ALPK2: variants seen among roughly 807,000 people sequenced by gnomAD.
ALPK2 encodes the protein alpha kinase 2.
ALPK2 carries 127 observed loss-of-function variants against 163.1 expected under a neutral mutation model. That is an observed-to-expected ratio of 0.78 (90% CI 0.67 to 0.90). ALPK2 has a LOEUF of 0.90. Ranked by LOEUF, ALPK2 falls within the 40% of genes least tolerant of loss-of-function variation. ALPK2 has a pLI of 0.00. For synonymous variants in ALPK2, 953 were observed against 959.1 expected (o/e 0.99, Z 0.12); for missense variants, 2,360 against 2,589.6 (o/e 0.91, Z 1.92).
intron 3 of ALPK2, among the ~76,000 whole-genome samples, chr18:58,602,581 CTG>C (rs1294582088): frequency 2.6e-5 from 4 of 152,162 alleles, no homozygotes; most frequent in Non-Finnish European, 5.9e-5. Context: ...GTGTGTGTCT[CTG>C]TGGCTCTGTT....
intron 10 of ALPK2, 30 bp downstream of exon 10, chr18:58,514,963 T>G (rs778080226): frequency 9.5e-6 from 15 of 1,571,494 alleles, no homozygotes; most frequent in Non-Finnish European, 1.3e-5. Flanking sequence ...GAGTCAGGAG[T>G]GTGACACAAG....
At chr18:58,559,037 C>CA (rs1404813712) in intron 4 of ALPK2, among the ~76,000 whole-genome samples, 1 of 152,174 alleles carries the variant, frequency 6.6e-6, no homozygotes, top group Non-Finnish European at 1.5e-5. Context: ...ATTGTACTTA[C>CA]AAAAAATTAC....
intron 4 of ALPK2, chr18:58,566,417 G>T (rs1431112930): frequency 6.6e-6 from 1 of 152,140 alleles, no homozygotes; most frequent in African/African-American, 2.4e-5. Context: ...CATTTGTCTT[G>T]ATATATGATT....
chr18:58,558,741 G>A (rs2051807719), intron 4 of ALPK2, among the ~76,000 whole-genome samples: 1 of 152,134 alleles, frequency 6.6e-6, no homozygotes, highest in Non-Finnish European at 1.5e-5. Context: ...AATATTATCT[G>A]GCCATAAAAA....
At position 58,534,820 on chromosome 18, in the gene ALPK2, C is replaced by T; in HGVS notation, c.5353+14G>A. On this transcript the variant is annotated intron_variant, in intron 5 of 12. Transcript: ENST00000361673. ...CCCAAACTTTAACAATGATGGACAG[C>T]AACAGAACCTCACCTCTTCCTTCTC... is the stretch of plus-strand genomic sequence containing the variant. 6.3e-7 allele frequency: 1 copy of T among 1,592,704 alleles called. No individual in the cohort carries two copies. Among genetic ancestry groups the T allele is most frequent in the Non-Finnish European group, 8.5e-7 (1 of 1,171,686 alleles).
chr18:58,614,706 G>A (rs9963210), intron 1 of ALPK2, among the ~76,000 whole-genome samples: 1,658 of 151,758 alleles, frequency 0.011, 28 homozygotes, highest in African/African-American at 0.038. Flanking sequence ...CTAGAGGCTT[G>A]AGCCTCCATG....
intron 11 of ALPK2, among the ~76,000 whole-genome samples, chr18:58,498,750 C>A (rs1487266817): frequency 6.6e-6 from 1 of 152,186 alleles, no homozygotes; most frequent in Non-Finnish European, 1.5e-5. Context: ...TCTCCTTTTC[C>A]CTTGGCTCTC....
intron 1 of ALPK2, among the ~76,000 whole-genome samples, chr18:58,620,182 T>G (rs906468261): frequency 3.3e-5 from 5 of 152,052 alleles, no homozygotes; most frequent in African/African-American, 1.2e-4. Flanking sequence ...TCTCAGCTAC[T>G]TGGGAGGCCG....
chr18:58,604,684 T>C (rs980020469), intron 3 of ALPK2, among the ~76,000 whole-genome samples: 1 of 152,192 alleles, frequency 6.6e-6, no homozygotes, highest in Non-Finnish European at 1.5e-5. Context: ...ACGGAATACT[T>C]TTCCTAGTAG....
chr18:58,541,160 G>A (rs75970875), intron 4 of ALPK2, among the ~76,000 whole-genome samples: 10 of 152,336 alleles, frequency 6.6e-5, no homozygotes, highest in African/African-American at 2.2e-4. Context: ...ATTGGCTCAC[G>A]GTTCCACCGG....
intron 10 of ALPK2, among the ~76,000 whole-genome samples, chr18:58,513,888 G>C (rs981939525): frequency 5.3e-5 from 8 of 152,134 alleles, no homozygotes; most frequent in African/African-American, 1.9e-4. Flanking sequence ...AAATAAAACA[G>C]AAAGGAAAGA....
chr18:58,499,785 G>A (rs1295512840), intron 11 of ALPK2, among the ~76,000 whole-genome samples: 3 of 152,228 alleles, frequency 2.0e-5, no homozygotes, highest in Non-Finnish European at 4.4e-5. Flanking sequence ...CCTCCAGCAC[G>A]TGACTTGCCC....
Position 58,504,123 on chromosome 18 carries a change from G to A in ALPK2, c.6055C>T (p.Arg2019Trp), listed in dbSNP as rs546455740. Residue 2019 changes from arginine to tryptophan, a missense_variant, in exon 11 of 13, where the codon CGG becomes TGG. By Grantham distance (101) the Arg-to-Trp change is moderately radical (BLOSUM62 -3). Transcript: ENST00000361673. Reference protein sequence around the residue: ...PEIIPIFLIHRPENNIPYATV... With the variant: ...PEIIPIFLIHWPENNIPYATV... ...GCATACGGGATATTGTTCTCAGGCC[G>A]ATGGATAAGAAAAATAGGAATGATC... is the stretch of plus-strand genomic sequence containing the variant. 5.0e-6 allele frequency: 8 copies of A among 1,614,068 alleles called. No homozygotes were observed. Among genetic ancestry groups the A allele is most frequent in the South Asian group, 2.2e-5 (2 of 91,072 alleles).
chr18:58,622,365 A>G (rs932668598), intron 1 of ALPK2, among the ~76,000 whole-genome samples: 3 of 152,142 alleles, frequency 2.0e-5, no homozygotes, highest in Non-Finnish European at 2.9e-5. Context: ...AATTAAATAC[A>G]TAAATAAATA....
chr18:58,484,752 T>TATAATAATAATAATA (rs112129757), intron 12 of ALPK2, among the ~76,000 whole-genome samples: 1,500 of 149,764 alleles, frequency 0.01, 8 homozygotes, highest in African/African-American at 0.021. Context: ...CAAAAAATAA[T>TATAATAATAATAATA]ATAATAATAA....
intron 3 of ALPK2, among the ~76,000 whole-genome samples, chr18:58,594,928 T>C (rs2052033626): frequency 6.6e-6 from 1 of 152,196 alleles, no homozygotes; most frequent in Non-Finnish European, 1.5e-5. Flanking sequence ...CTCCAGAGGA[T>C]ACATTCACAT....
intron 3 of ALPK2, among the ~76,000 whole-genome samples, chr18:58,583,726 A>G (rs1328177374): frequency 7.0e-6 from 1 of 142,810 alleles, no homozygotes; most frequent in Non-Finnish European, 1.5e-5. Context: ...TGGCAGAGCA[A>G]GACTTTGTCT....
chr18:58,535,893 C>G lies in ALPK2; in HGVS notation c.4294G>C (p.Glu1432Gln). The change falls in exon 5 of 13, where the codon GAA becomes CAA. Residue 1432 changes from glutamate to glutamine, a missense_variant. Glu to Gln is a conservative substitution (Grantham distance 29, BLOSUM62 2). Coordinates refer to ENST00000361673, the MANE Select transcript of ALPK2 (RefSeq NM_052947.4). ...TTTCCGTCATTTGATTGACCCCCTT[C>G]TCTGGCGCCCTGTGGTGTGGTTTCA... ...PSETTPQGAR[E>Q]GGQSNDGNMG... The G allele has an allele frequency of 6.2e-7, 1 of 1,614,226 alleles. No homozygotes were observed. Among genetic ancestry groups the G allele is most frequent in the Non-Finnish European group, 8.5e-7 (1 of 1,180,024 alleles).
chr18:58,580,901 A>C, intron 3 of ALPK2: 1 of 192,950 alleles, frequency 5.2e-6, no homozygotes, highest in Non-Finnish European at 1.1e-5. Flanking sequence ...AGAATTGCCC[A>C]CCCCTTTCTT....
Sources: allele counts gnomAD v4.1 joint callset (sites outside exome capture counted in the v4.1 genomes callset), GRCh38; gene constraint gnomAD v4.1.1; transcripts MANE v1.5; gene names NCBI Gene and HGNC (gene_info 2026-07-23, HGNC 2026-07-21).